The following CNTNAP2 variants were observed in gnomAD, a reference collection of about 807,000 sequenced individuals.
CNTNAP2 encodes the protein contactin-associated protein-like 2.
Under a neutral mutation model 155.2 loss-of-function variants are expected in CNTNAP2, and 98 were observed. The ratio of observed to expected loss-of-function variants is 0.63; its 90% CI spans 0.54 to 0.75. CNTNAP2 has a LOEUF of 0.75. CNTNAP2 is among the 30% of genes least tolerant of loss of function. The pLI is 0.00. For synonymous variants in CNTNAP2, 651 were observed against 631.2 expected (o/e 1.03, Z -0.47); for missense variants, 1,727 against 1,688.1 (o/e 1.02, Z -0.40).
At chr7:147,664,120 G>C (rs1261955320) in intron 13 of CNTNAP2, among the ~76,000 whole-genome samples, 1 of 152,198 alleles carries the variant, frequency 6.6e-6, no homozygotes, top group Non-Finnish European at 1.5e-5. Context: ...CCATAGACTA[G>C]ATGGCTTAAA....
At chr7:147,032,718 A>G (rs1417149200) in intron 3 of CNTNAP2, among the ~76,000 whole-genome samples, 1 of 152,122 alleles carries the variant, frequency 6.6e-6, no homozygotes, top group Non-Finnish European at 1.5e-5. Context: ...AGAGAGAAAA[A>G]AAGGAGAGAG....
At chr7:147,049,982 C>A (rs900351282) in intron 4 of CNTNAP2, among the ~76,000 whole-genome samples, 1 of 152,140 alleles carries the variant, frequency 6.6e-6, no homozygotes, top group African/African-American at 2.4e-5. Context: ...GCCTTTAGGG[C>A]TTCTATTGTT....
At chr7:146,497,951 C>CAT (rs886502572) in intron 1 of CNTNAP2, among the ~76,000 whole-genome samples, 14 of 150,296 alleles carry the variant, frequency 9.3e-5, no homozygotes, top group African/African-American at 3.4e-4. Context: ...ATAGAATAAA[C>CAT]ATATATATAA....
At chr7:146,843,381 A>T (rs986528631) in intron 3 of CNTNAP2, among the ~76,000 whole-genome samples, 2 of 152,108 alleles carry the variant, frequency 1.3e-5, no homozygotes, top group African/African-American at 4.8e-5. Flanking sequence ...ACAAGCGGGA[A>T]GTCCACCCCC....
intron 12 of CNTNAP2, among the ~76,000 whole-genome samples, chr7:147,577,359 G>A (rs1354991684): frequency 6.6e-6 from 1 of 152,058 alleles, no homozygotes; most frequent in East Asian, 1.9e-4. Flanking sequence ...AAGAGGATTT[G>A]ACATGACGCT....
intron 15 of CNTNAP2, among the ~76,000 whole-genome samples, chr7:148,077,651 A>G (rs907630128): frequency 1.3e-4 from 20 of 152,190 alleles, no homozygotes; most frequent in African/African-American, 4.6e-4. Flanking sequence ...ATATAAAACT[A>G]TACACTCAAG....
At chr7:148,084,538 CCTTTTTTCTTTCTTT>C (rs1338811707) in intron 15 of CNTNAP2, among the ~76,000 whole-genome samples, 17 of 152,212 alleles carry the variant, frequency 1.1e-4, no homozygotes, top group Middle Eastern at 3.4e-3. Flanking sequence ...TTTCTTTCTT[CCTTTTTTCTTTCTTT>C]CTTTTTTCTT....
At chr7:147,487,401 C>T (rs1798528989) in intron 11 of CNTNAP2, among the ~76,000 whole-genome samples, 1 of 152,136 alleles carries the variant, frequency 6.6e-6, no homozygotes, top group South Asian at 2.1e-4. Flanking sequence ...TTACCAATCA[C>T]ATCAAAATAT....
At chr7:146,243,814 G>C (rs561674907) in intron 1 of CNTNAP2, among the ~76,000 whole-genome samples, 4 of 152,088 alleles carry the variant, frequency 2.6e-5, no homozygotes, top group African/African-American at 9.7e-5. Flanking sequence ...ACTTGTGATT[G>C]TAAGTTCCTG....
At chr7:147,304,930 A>G (rs1050781160) in intron 9 of CNTNAP2, among the ~76,000 whole-genome samples, 5 of 152,206 alleles carry the variant, frequency 3.3e-5, no homozygotes, top group Non-Finnish European at 5.9e-5. Flanking sequence ...AGCTGCAGAC[A>G]ACCATTTTGT....
At chr7:147,889,613 C>A (rs1028074215) in intron 13 of CNTNAP2, among the ~76,000 whole-genome samples, 2 of 152,218 alleles carry the variant, frequency 1.3e-5, no homozygotes, top group African/African-American at 4.8e-5. Context: ...ATAGAAGAAG[C>A]TTTTAATATT....
chr7:146,886,721 C>T (rs1374269430), intron 3 of CNTNAP2, among the ~76,000 whole-genome samples: 3 of 150,518 alleles, frequency 2.0e-5, no homozygotes, highest in Admixed American at 6.7e-5. Flanking sequence ...TTCATACCAA[C>T]GTGTTCCTCA....
chr7:147,642,379 C>T (rs180982126), intron 13 of CNTNAP2, among the ~76,000 whole-genome samples: 18 of 152,120 alleles, frequency 1.2e-4, no homozygotes, highest in Admixed American at 9.2e-4. Flanking sequence ...GTTCAACTTA[C>T]GGTTGAGGTA....
At chr7:147,470,129 A>C (rs1406404319) in intron 10 of CNTNAP2, among the ~76,000 whole-genome samples, 1 of 152,164 alleles carries the variant, frequency 6.6e-6, no homozygotes, top group Non-Finnish European at 1.5e-5. Context: ...CCATCTAAAC[A>C]AGACTTAGAC....
chr7:148,126,256 C>T (rs1804714324), intron 16 of CNTNAP2, among the ~76,000 whole-genome samples: 1 of 152,122 alleles, frequency 6.6e-6, no homozygotes, highest in African/African-American at 2.4e-5. Context: ...ACCCATGCTG[C>T]GAGGGTTACG....
chr7:148,353,598 C>G (rs1344157678), intron 21 of CNTNAP2, among the ~76,000 whole-genome samples: 1 of 152,206 alleles, frequency 6.6e-6, no homozygotes, highest in Non-Finnish European at 1.5e-5. Flanking sequence ...TTATCAAGAG[C>G]CTTTTGGTAG....
At chr7:148,055,176 G>T (rs954607455) in intron 15 of CNTNAP2, among the ~76,000 whole-genome samples, 8 of 152,222 alleles carry the variant, frequency 5.3e-5, no homozygotes, top group African/African-American at 1.9e-4. Flanking sequence ...GAGCCACCAT[G>T]CCCAGCCTAT....
At chr7:147,408,910 A>G (rs1341767950) in intron 10 of CNTNAP2, among the ~76,000 whole-genome samples, 2 of 152,244 alleles carry the variant, frequency 1.3e-5, no homozygotes, top group Admixed American at 1.3e-4. Flanking sequence ...TGAGAAATGA[A>G]TTACTGCAGT....
chr7:147,892,456 G>C (rs1214104643), intron 13 of CNTNAP2, among the ~76,000 whole-genome samples: 2 of 152,146 alleles, frequency 1.3e-5, no homozygotes. Context: ...TGGTGTAAAG[G>C]AATGAGCCAG....
Sources: allele counts gnomAD v4.1 joint callset (sites outside exome capture counted in the v4.1 genomes callset), GRCh38; gene constraint gnomAD v4.1.1; transcripts MANE v1.5; gene names NCBI Gene and HGNC (gene_info 2026-07-23, HGNC 2026-07-21).